Variants in ADARB1 observed in about 807,000 individuals in gnomAD.
The protein encoded by ADARB1 is adenosine deaminase RNA specific B1.
A neutral mutation model predicts 52.4 loss-of-function variants in ADARB1; 10 were observed. That is an observed-to-expected ratio of 0.19 (90% CI 0.12 to 0.32). The LOEUF (loss-of-function observed/expected upper bound fraction) is 0.32. Ranked by LOEUF, ADARB1 falls within the 10% of genes least tolerant of loss-of-function variation. The probability of loss-of-function intolerance (pLI) is 1.00; values close to 1 mark genes in which losing one functional copy is unlikely to be tolerated. For missense variants in ADARB1, 643 were observed against 922.3 expected (o/e 0.70, Z 3.92); for synonymous variants, 349 against 371.1 (o/e 0.94, Z 0.68).
At position 45,220,225 on chromosome 21, in the gene ADARB1, T is replaced by A. The variant is rs1488504179; in HGVS notation, c.1748-611T>A. ...ATTTTGGTGCCAAAAAATTTTGAAA[T>A]CCATGAGGTTTTTTCATAATAAGCA... On this transcript the variant is annotated intron_variant, in intron 9 of 10. Transcript: ENST00000348831. The surrounding 1 kb of genome is among the most constrained non-coding windows in gnomAD (Gnocchi z 6.3). Among the ~76,000 whole-genome samples, 1 of 152,170 alleles carries A rather than the reference T, an allele frequency of 6.6e-6. No individual in the cohort carries two copies. The highest frequency in any genetic ancestry group is 1.5e-5 in the Non-Finnish European group (1 of 68,024).
At chr21:45,194,845 G>A (rs966229573) in intron 8 of ADARB1, among the ~76,000 whole-genome samples, 5 of 152,008 alleles carry the variant, frequency 3.3e-5, no homozygotes, top group Admixed American at 6.6e-5. Context: ...TTGCTTCCAC[G>A]CTTTGGCAAT....
chr21:45,082,649 T>G (rs780191318), intron 1 of ADARB1, among the ~76,000 whole-genome samples: 1 of 152,200 alleles, frequency 6.6e-6, no homozygotes, highest in Non-Finnish European at 1.5e-5. Flanking sequence ...CTGGATAATG[T>G]TTAACATTTA....
chr21:45,224,226 A>G lies in ADARB1; in HGVS notation c.*2029A>G, dbSNP rs1027865899. 9.1e-6 allele frequency: 9 copies of G among 985,296 alleles called. 1 individual carries two copies. In the East Asian group the frequency reaches 4.5e-4, roughly 50 times the overall value. 61.0% of individuals were successfully genotyped at this position (985,296 alleles called of 1,614,324 possible). On this transcript the variant is annotated 3_prime_UTR_variant, in exon 11 of 11. Coordinates refer to ENST00000348831, the MANE Select transcript of ADARB1 (RefSeq NM_001112.4). ...TTTGGTTACCAAGTTTAGTGTTAATATATTCCATATACATACAAAACTACC... is the reference window on the plus strand; with the variant it reads ...TTTGGTTACCAAGTTTAGTGTTAATGTATTCCATATACATACAAAACTACC...
chr21:45,107,714 G>A (rs372700808), intron 1 of ADARB1, among the ~76,000 whole-genome samples: 1 of 152,198 alleles, frequency 6.6e-6, no homozygotes, highest in Admixed American at 6.5e-5. Context: ...AGAGAACTCA[G>A]TGTGAAAAAG....
At chr21:45,092,463 C>G (rs1420548705) in intron 1 of ADARB1, among the ~76,000 whole-genome samples, 1 of 152,002 alleles carries the variant, frequency 6.6e-6, no homozygotes, top group East Asian at 1.9e-4. Context: ...ATAGTTATAC[C>G]ATTGGAATTT....
In ADARB1 at chr21:45,157,893, TAC is replaced by T. The variant is rs1008170755; in HGVS notation, c.-47-13715_-47-13714del. ...CCAGCAATAGAAAGGTGAGAAAGAA[TAC>T]AGAGAAGCACGCAGGAAGCTGTGTG... On this transcript the variant is annotated intron_variant, in intron 2 of 10. Transcript: ENST00000348831. This position sits in a 1 kb window ranked among gnomAD's most constrained non-coding sequence, Gnocchi z 4.1. Among the ~76,000 whole-genome samples the T allele has an allele frequency of 6.6e-6, 1 of 152,098 alleles. No homozygotes were observed. Among genetic ancestry groups the T allele is most frequent in the Non-Finnish European group, 1.5e-5 (1 of 68,020 alleles).
rs894565698 is a variant in ADARB1 at position 45,222,863 on chromosome 21, C to T, written c.*666C>T. On this transcript the variant is annotated 3_prime_UTR_variant, in exon 11 of 11. Transcript: ENST00000348831. ...TGGCCCTGTCATGCACATGGGGTCCCGCAGCAGTGACTGTGTGTCCTGCAG... is the reference window on the plus strand; with the variant it reads ...TGGCCCTGTCATGCACATGGGGTCCTGCAGCAGTGACTGTGTGTCCTGCAG... 65 of 985,376 alleles carry T rather than the reference C, an allele frequency of 6.6e-5. No homozygotes were observed. The highest frequency in any genetic ancestry group is 5.2e-4 in the Middle Eastern group (1 of 1,936). 61.0% of individuals were successfully genotyped at this position (985,376 alleles called of 1,614,324 possible).
chr21:45,226,408 C>CA lies in ADARB1; in HGVS notation c.*4212dup, dbSNP rs2093059579. ...AAACATGTTGCTGAGATGCAATCCT[C>CA]AGTGTTCTCTGTATGTAAATCTGTG... is the stretch of plus-strand genomic sequence containing the variant. On this transcript the variant is annotated 3_prime_UTR_variant, in exon 11 of 11. Coordinates refer to ENST00000348831, the MANE Select transcript of ADARB1 (RefSeq NM_001112.4). 6.6e-6 allele frequency: 1 copy of CA among 152,634 alleles called. No individual in the cohort carries two copies. Among genetic ancestry groups the CA allele is most frequent in the African/African-American group, 2.4e-5 (1 of 41,446 alleles). 9.5% of individuals were successfully genotyped at this position (152,634 alleles called of 1,614,324 possible). A position where few individuals can be genotyped will look rare whatever the true frequency, so the allele number is the denominator to read the frequency against.
intron 8 of ADARB1, among the ~76,000 whole-genome samples, chr21:45,202,150 G>A (rs2092568167): frequency 6.6e-6 from 1 of 152,154 alleles, no homozygotes; most frequent in African/African-American, 2.4e-5. Context: ...GAGGGCTTGG[G>A]GCAGGCACCG....
At chr21:45,168,054 A>G (rs1896652586) in intron 2 of ADARB1, among the ~76,000 whole-genome samples, 1 of 152,086 alleles carries the variant, frequency 6.6e-6, no homozygotes, top group African/African-American at 2.4e-5. Flanking sequence ...GGAGGTGTGC[A>G]GCGGAGTTAT....
In ADARB1 at chr21:45,077,100, A is replaced by G. The variant is rs553330641; in HGVS notation, c.-220+2307A>G. 6.6e-5 allele frequency among the ~76,000 whole-genome samples: 10 copies of G among 152,358 alleles called. No homozygotes were observed. The South Asian group carries it at 1.7e-3, about 25-fold the overall frequency. On this transcript the variant is annotated intron_variant, in intron 1 of 10. Coordinates refer to ENST00000348831, the MANE Select transcript of ADARB1 (RefSeq NM_001112.4). The stretch of plus-strand genomic sequence containing the variant: ...GTTTTAATATATGACAAACCTTGCT[A>G]TAGTGCATATTCTTACACGTGGGTA...
intron 1 of ADARB1, among the ~76,000 whole-genome samples, chr21:45,121,264 T>C (rs1206241669): frequency 6.6e-6 from 1 of 152,244 alleles, no homozygotes; most frequent in Non-Finnish European, 1.5e-5. Flanking sequence ...ATATTCTTTC[T>C]CTACAAGAGC....
chr21:45,110,452 G>A (rs1280579241), intron 1 of ADARB1, among the ~76,000 whole-genome samples: 1 of 152,242 alleles, frequency 6.6e-6, no homozygotes, highest in Non-Finnish European at 1.5e-5. Flanking sequence ...CAAAGAGCCA[G>A]TGAGGCGGGG....
chr21:45,202,789 G>A (rs374031320), intron 8 of ADARB1, among the ~76,000 whole-genome samples: 199 of 148,260 alleles, frequency 1.3e-3, no homozygotes, highest in African/African-American at 4.8e-3. Context: ...ACCCTGCAGC[G>A]CGTGCCACAC....
At chr21:45,095,435 C>T (rs368031580) in intron 1 of ADARB1, among the ~76,000 whole-genome samples, 1 of 152,262 alleles carries the variant, frequency 6.6e-6, no homozygotes, top group Non-Finnish European at 1.5e-5. Context: ...TGTTTTTTCT[C>T]TGCCCCCTTT....
At position 45,226,147 on chromosome 21, in the gene ADARB1, A is replaced by T. The variant is rs998017459; in HGVS notation, c.*3950A>T. The T allele has an allele frequency of 1.3e-5, 2 of 152,278 alleles. No homozygotes were observed. The highest frequency in any genetic ancestry group is 4.8e-5 in the African/African-American group (2 of 41,420). 9.4% of individuals were successfully genotyped at this position (152,278 alleles called of 1,614,324 possible). A position where few individuals can be genotyped will look rare whatever the true frequency, so the allele number is the denominator to read the frequency against. ...CAGCACTGTCTGCACTTTCTTGTTT[A>T]CTGTTTGAAGGGACGAGTACCAAGC... is the stretch of plus-strand genomic sequence containing the variant. On this transcript the variant is annotated 3_prime_UTR_variant, in exon 11 of 11. Coordinates refer to ENST00000348831, the MANE Select transcript of ADARB1 (RefSeq NM_001112.4).
intron 4 of ADARB1, among the ~76,000 whole-genome samples, chr21:45,178,363 G>A (rs571747999): frequency 1.3e-5 from 2 of 152,352 alleles, no homozygotes; most frequent in East Asian, 3.9e-4. Context: ...CTGACGCCAC[G>A]TTCCTCTGGG....
chr21:45,127,228 A>T (rs2088642501), intron 1 of ADARB1, among the ~76,000 whole-genome samples: 1 of 151,502 alleles, frequency 6.6e-6, no homozygotes, highest in African/African-American at 2.4e-5. Flanking sequence ...ACTTCTTGAC[A>T]CTCTCCACCC....
At chr21:45,199,539 G>C (rs1313522993) in intron 8 of ADARB1, among the ~76,000 whole-genome samples, 1 of 152,218 alleles carries the variant, frequency 6.6e-6, no homozygotes, top group Non-Finnish European at 1.5e-5. Flanking sequence ...GAAACAGGCT[G>C]TCTGTGCAGA....
Sources: gnomAD v4.1 joint callset for allele counts (sites outside exome capture counted in the v4.1 genomes callset) on GRCh38, gnomAD v4.1.1 for gene constraint, Gnocchi (gnomAD v3.1) non-coding constraint, MANE v1.5 for transcripts, NCBI Gene and HGNC (gene_info 2026-07-23, HGNC 2026-07-21) for gene names.